MGAM: variants seen among roughly 807,000 people sequenced by gnomAD.
The protein encoded by MGAM is alpha-1,4-glucosidase.
MGAM carries 253 observed loss-of-function variants against 358.8 expected under a neutral mutation model. The observed-to-expected ratio is 0.71, with a 90% CI of 0.64 to 0.78. The LOEUF (loss-of-function observed/expected upper bound fraction) is 0.78, where lower values mean the gene tolerates loss of function less well. MGAM is among the 30% of genes least tolerant of loss of function. The probability of loss-of-function intolerance (pLI) is 0.00; values close to 1 mark genes in which losing one functional copy is unlikely to be tolerated. For synonymous variants in MGAM, 1,105 were observed against 1,227.1 expected (o/e 0.90, Z 2.08); for missense variants, 3,080 against 3,432.6 (o/e 0.90, Z 2.57).
Position 142,032,913 on chromosome 7 carries a change from A to T in MGAM, c.1669+4A>T. The T allele has an allele frequency of 6.3e-7, 1 of 1,597,002 alleles. No homozygotes were observed. Among genetic ancestry groups the T allele is most frequent in the Non-Finnish European group, 8.6e-7 (1 of 1,166,718 alleles). On this transcript the variant is annotated splice_donor_region_variant and intron_variant, in intron 14 of 70. Coordinates refer to ENST00000475668, the MANE Select transcript of MGAM (RefSeq NM_001365693.1). ...AATAATCCCCCATTCACTCCCAGTA[A>T]GTCTTGGTGGTCAGCAGATTAAAGT...
chr7:142,019,343 C>A, intron 4 of MGAM, 24 bp downstream of exon 4: 1 of 1,608,066 alleles, frequency 6.2e-7, no homozygotes, highest in Non-Finnish European at 8.5e-7. Flanking sequence ...TGCCATGATG[C>A]AGGAGGTCCA....
intron 70 of MGAM, among the ~76,000 whole-genome samples, chr7:142,103,932 C>A (rs1231239926): frequency 6.6e-6 from 1 of 151,350 alleles, no homozygotes; most frequent in Non-Finnish European, 1.5e-5. Flanking sequence ...GATCTCAGCT[C>A]ACTGCAAGCT....
chr7:141,995,533 A>G (rs1554448427), upstream of MGAM, among the ~76,000 whole-genome samples: 1 of 152,136 alleles, frequency 6.6e-6, no homozygotes, highest in Non-Finnish European at 1.5e-5. Flanking sequence ...AGTGCAAGAG[A>G]CCAGGGCTCT....
chr7:142,103,499 G>A, intron 70 of MGAM, 60 bp downstream of exon 70: 1 of 1,396,602 alleles, frequency 7.2e-7, no homozygotes, highest in Non-Finnish European at 9.5e-7. Flanking sequence ...CTAGTGCAGT[G>A]CCTGACTGCT....
chr7:142,098,633 G>A (rs1816162758), intron 66 of MGAM, among the ~76,000 whole-genome samples: 1 of 152,142 alleles, frequency 6.6e-6, no homozygotes, highest in Admixed American at 6.5e-5. Context: ...GTCTGGATCT[G>A]CCCTTAGGGT....
Position 142,040,774 on chromosome 7 carries a change from A to G in MGAM, c.2426A>G (p.Asp809Gly). 1 of 1,613,380 alleles carries G rather than the reference A, an allele frequency of 6.2e-7. No individual in the cohort carries two copies. Among genetic ancestry groups the G allele is most frequent in the East Asian group, 2.2e-5 (1 of 44,824 alleles). ...KQKVEMELPG[D>G]KIGLHLRGGY... ...AAAGTCGAGATGGAACTTCCTGGAGACAAAATTGGACTTCACCTTCGAGGA... is the reference window on the plus strand; with the variant it reads ...AAAGTCGAGATGGAACTTCCTGGAGGCAAAATTGGACTTCACCTTCGAGGA... The change falls in exon 21 of 71, where the codon GAC becomes GGC. Residue 809 changes from aspartate to glycine, a missense_variant. Asp to Gly is a moderately conservative substitution (Grantham distance 94, BLOSUM62 -1). Around this residue, in one of 5 missense-constraint regions of MGAM, gnomAD observed 1,816 missense variants for 1,840.5 expected, o/e 0.99. Coordinates refer to ENST00000475668, the MANE Select transcript of MGAM (RefSeq NM_001365693.1).
chr7:142,001,481 C>T (rs1450469862), intron 1 of MGAM, among the ~76,000 whole-genome samples: 5 of 152,126 alleles, frequency 3.3e-5, no homozygotes, highest in Non-Finnish European at 5.9e-5. Flanking sequence ...GAATTAAGAC[C>T]TCACAGGAGA....
At chr7:142,044,366 GAT>G (rs1283114681) in intron 21 of MGAM, among the ~76,000 whole-genome samples, 1 of 127,024 alleles carries the variant, frequency 7.9e-6, no homozygotes, top group African/African-American at 2.8e-5. Flanking sequence ...TACGATATAT[GAT>G]ATATAATGAA....
At chr7:142,062,194 C>G (rs994718906) in intron 34 of MGAM, among the ~76,000 whole-genome samples, 2 of 152,156 alleles carry the variant, frequency 1.3e-5, no homozygotes, top group Non-Finnish European at 2.9e-5. Flanking sequence ...TAACCTATTA[C>G]CATGCATCTC....
In MGAM at chr7:142,041,186, T is replaced by C. The variant is rs553167751; in HGVS notation, c.2498+340T>C. The stretch of plus-strand genomic sequence containing the variant: ...AGATTTCTTTCTTGTGATTCAAAAA[T>C]TACCTTATGCAAACCTCAAATCTCC... On this transcript the variant is annotated intron_variant, in intron 21 of 70. Transcript: ENST00000475668. Among the ~76,000 whole-genome samples, 354 of 152,234 alleles carry C rather than the reference T, an allele frequency of 2.3e-3. 2 individuals carry two copies. The highest frequency in any genetic ancestry group is 8.1e-3 in the African/African-American group (337 of 41,570).
rs150684967 is a variant in MGAM, at chr7:142,089,266, C to T, written c.6810+2549C>T. Among the ~76,000 whole-genome samples, 191 of 146,356 alleles carry T rather than the reference C, an allele frequency of 1.3e-3. 29 individuals are homozygous for T. The highest frequency in any genetic ancestry group is 2.2e-3 in the Admixed American group (32 of 14,540). Reference sequence around the variant, plus strand: ...CTGAGGCAATTTGGAAATCTGAGGGCAGTGTTGGTTATCACAGGGACACCA... The same window carrying T: ...CTGAGGCAATTTGGAAATCTGAGGGTAGTGTTGGTTATCACAGGGACACCA... On this transcript the variant is annotated intron_variant, in intron 57 of 70. Transcript: ENST00000475668.
In MGAM at chr7:142,082,566, C is replaced by T. The variant is rs1286530141; in HGVS notation, c.6263C>T (p.Ala2088Val). 3 of 1,515,964 alleles carry T rather than the reference C, an allele frequency of 2.0e-6. No individual in the cohort carries two copies. In the South Asian group the frequency reaches 3.6e-5, roughly 18 times the overall value. 93.9% of individuals were successfully genotyped at this position (1,515,964 alleles called of 1,614,324 possible). A position where few individuals can be genotyped will look rare whatever the true frequency, so the allele number is the denominator to read the frequency against. Reference sequence around the variant, plus strand: ...GGAGTGCTCCTGCTGAACAGCAATGCCATGGGTAAGGCCATCCAGCGCCTC... The same window carrying T: ...GGAGTGCTCCTGCTGAACAGCAATGTCATGGGTAAGGCCATCCAGCGCCTC... The part of the protein sequence containing the change: ...AHGVLLLNSN[A>V]MDVTFQPLPA... Residue 2088 changes from alanine to valine, a missense_variant, in exon 52 of 71, where the codon GCC (alanine) becomes GTC (valine). Physicochemically the swap from Ala to Val is moderately conservative, Grantham distance 64. Transcript: ENST00000475668.
intron 10 of MGAM, among the ~76,000 whole-genome samples, chr7:142,029,811 C>G (rs377003788): frequency 6.6e-6 from 1 of 152,200 alleles, no homozygotes; most frequent in Non-Finnish European, 1.5e-5. Context: ...TTCTCTCCCC[C>G]ACTCTATTCC....
rs1811148481 is a variant in MGAM at position 142,052,917 on chromosome 7, C to T, written c.3092C>T (p.Pro1031Leu). The T allele has an allele frequency of 9.9e-6, 16 of 1,613,906 alleles. No homozygotes were observed. The highest frequency in any genetic ancestry group is 1.4e-5 in the Non-Finnish European group (16 of 1,179,846). Residue 1031 changes from proline to leucine, a missense_variant, in exon 26 of 71, where the codon CCC becomes CTC. Around this residue, in one of 5 missense-constraint regions of MGAM, gnomAD observed 1,816 missense variants for 1,840.5 expected, o/e 0.99. Transcript: ENST00000475668. ...TCTTCCGTTTATGCCAATGCCTTCC[C>T]CTCCACACCCGTGAACCCCCTTCGC... ...LKSSVYANAF[P>L]STPVNPLRLD...
chr7:142,025,214 A>G lies in MGAM; in HGVS notation c.982+65A>G, dbSNP rs1187239818. The G allele has an allele frequency of 1.1e-5, 13 of 1,232,966 alleles. No individual in the cohort carries two copies. The East Asian group carries it at 1.4e-4, about 13-fold the overall frequency. The allele number at this position is 1,232,966 out of a possible 1,614,324, so 76.4% of individuals were successfully genotyped here. A position where few individuals can be genotyped will look rare whatever the true frequency, so the allele number is the denominator to read the frequency against. On this transcript the variant is annotated intron_variant, in intron 8 of 70. Transcript: ENST00000475668. ...TTTTCAGTCCCTTTCTTACAGCACTATGATAAAAGGAATGGATCCCTTTAA... is the reference window on the plus strand; with the variant it reads ...TTTTCAGTCCCTTTCTTACAGCACTGTGATAAAAGGAATGGATCCCTTTAA...
chr7:142,102,648 T>C lies in MGAM; in HGVS notation c.7982T>C (p.Leu2661Pro). The C allele has an allele frequency of 6.2e-7, 1 of 1,613,592 alleles. No individual in the cohort carries two copies. Among genetic ancestry groups the C allele is most frequent in the Non-Finnish European group, 8.5e-7 (1 of 1,179,726 alleles). Residue 2661 changes from leucine (L) to proline (P), a missense_variant, in exon 69 of 71, where the codon CTC becomes CCC. Leu to Pro is a moderately conservative substitution (Grantham distance 98, BLOSUM62 -3). Transcript: ENST00000475668. ...GQSIDTYGKG[L>P]YYLASFSASQ... ...TTTGCAGATACCTATGGGAAAGGAC[T>C]CTATTACTTGGCCAGCTTTTCTGCC...
intron 1 of MGAM, among the ~76,000 whole-genome samples, chr7:141,999,695 A>C (rs1554450055): frequency 6.6e-6 from 1 of 152,234 alleles, no homozygotes; most frequent in East Asian, 1.9e-4. Flanking sequence ...AAAAATAGTC[A>C]AAGATTAAGG....
At chr7:142,006,549 G>A (rs564816659) in intron 2 of MGAM, among the ~76,000 whole-genome samples, 3 of 152,166 alleles carry the variant, frequency 2.0e-5, no homozygotes, top group African/African-American at 4.8e-5. Flanking sequence ...CTGTGACTGG[G>A]CCACTTTCCC....
intron 21 of MGAM, among the ~76,000 whole-genome samples, chr7:142,041,596 T>C (rs911320324): frequency 2.0e-5 from 3 of 151,732 alleles, no homozygotes; most frequent in African/African-American, 7.3e-5. Flanking sequence ...TCAAAACCAA[T>C]CACAACCTGG....
Sources: gnomAD v4.1 joint callset for allele counts (sites outside exome capture counted in the v4.1 genomes callset) on GRCh38, gnomAD v4.1.1 for gene constraint, gnomAD v4.1.1 regional missense constraint, MANE v1.5 for transcripts, NCBI Gene and HGNC (gene_info 2026-07-23, HGNC 2026-07-21) for gene names.